RMND1: variants seen among roughly 807,000 people sequenced by gnomAD.
RMND1 encodes the protein required for meiotic nuclear division protein 1 homolog.
In RMND1, 41 loss-of-function variants were observed where a neutral mutation model predicts 54.0. The observed-to-expected ratio is 0.76, with a 90% confidence interval of 0.59 to 0.98. RMND1 has a LOEUF of 0.98. Among genes scored for constraint, RMND1 ranks in the 50% least tolerant of loss-of-function variants. RMND1 has a pLI of 0.00. For missense variants in RMND1, 457 were observed against 532.0 expected (o/e 0.86, Z 1.39); for synonymous variants, 183 against 181.7 (o/e 1.01, Z -0.06).
At chr6:151,448,378 C>G (rs2114975540) in intron 1 of RMND1, among the ~76,000 whole-genome samples, 1 of 143,048 alleles carries the variant, frequency 7.0e-6, no homozygotes, top group South Asian at 2.2e-4. Context: ...CCCATGACTT[C>G]ACTTCCTCCA....
rs765593796 is a variant in RMND1, at chr6:151,445,289, A to G, written c.504+19T>C. On this transcript the variant is annotated intron_variant, in intron 2 of 11. Coordinates refer to ENST00000444024, the MANE Select transcript of RMND1 (RefSeq NM_017909.4). ...GCAATGATCACTAAGCACGAGAGCC[A>G]CGGCCACCCCTACTTTACCTCGTTC... The G allele has an allele frequency of 3.8e-6, 6 of 1,588,586 alleles. No homozygotes were observed. The highest frequency in any genetic ancestry group is 4.3e-6 in the Non-Finnish European group (5 of 1,168,812).
intron 10 of RMND1, chr6:151,411,808 T>C (rs1779843135): frequency 6.6e-6 from 1 of 152,210 alleles, no homozygotes; most frequent in East Asian, 1.9e-4. Flanking sequence ...CCAACTTTGA[T>C]GGCCTGAAGC....
At chr6:151,415,123 C>T (rs1779963917) in intron 10 of RMND1, among the ~76,000 whole-genome samples, 2 of 151,348 alleles carry the variant, frequency 1.3e-5, no homozygotes, top group South Asian at 4.2e-4. Context: ...AACATGGGCA[C>T]ATACAACAGA....
chr6:151,416,744 T>C (rs951173216), intron 10 of RMND1: 1 of 152,310 alleles, frequency 6.6e-6, no homozygotes, highest in African/African-American at 2.4e-5. Flanking sequence ...CCCTTCTAAA[T>C]GCCTGCATGA....
In RMND1 at chr6:151,408,270, G is replaced by A. The variant is rs575105271; in HGVS notation, c.1201-2434C>T. Among the ~76,000 whole-genome samples, 267 of 152,192 alleles carry A rather than the reference G, an allele frequency of 1.8e-3. 2 individuals are homozygous for A. Among genetic ancestry groups the A allele is most frequent in the African/African-American group, 5.6e-3 (234 of 41,534 alleles). The stretch of plus-strand genomic sequence containing the variant: ...AGCATTTTGGGAGGCCAAGGCAGGC[G>A]GATCACTTGAGGTCAGTTTAAGACC... On this transcript the variant is annotated intron_variant, in intron 10 of 11. Coordinates refer to ENST00000444024, the MANE Select transcript of RMND1 (RefSeq NM_017909.4).
In RMND1 at chr6:151,421,254, A is replaced by G; in HGVS notation, c.1070T>C (p.Phe357Ser). The change falls in exon 9 of 12, where the codon TTT becomes TCT. Residue 357 changes from phenylalanine to serine, a missense_variant. By Grantham distance (155) the Phe-to-Ser change is radical. Transcript: ENST00000444024. The part of the protein sequence containing the change: ...EEVMQKIGEL[F>S]ALRHRINLSS... Reference sequence around the variant, plus strand: ...GAGAGAAAACTTTTACCTTAGAGCAAAGAGTTCACCGATTTTCTGCATAAC... The same window carrying G: ...GAGAGAAAACTTTTACCTTAGAGCAGAGAGTTCACCGATTTTCTGCATAAC... 1 of 1,607,080 alleles carries G rather than the reference A, an allele frequency of 6.2e-7. No individual in the cohort carries two copies. The highest frequency in any genetic ancestry group is 2.2e-5 in the East Asian group (1 of 44,744).
rs55764651 is a variant in RMND1, at chr6:151,436,116, A to C, written c.613+330T>G. 0.018 allele frequency: 3,352 copies of C among 183,430 alleles called. 49 individuals carry two copies. The highest frequency in any genetic ancestry group is 0.053 in the African/African-American group (1,999 of 37,486). 11.4% of individuals were successfully genotyped at this position (183,430 alleles called of 1,614,324 possible). The stretch of plus-strand genomic sequence containing the variant: ...GTGAAACTCCATCCCAAAAAACAAA[A>C]AAAAAAAAAACACAAAACACACACA... On this transcript the variant is annotated intron_variant, in intron 3 of 11. Coordinates refer to ENST00000444024, the MANE Select transcript of RMND1 (RefSeq NM_017909.4).
chr6:151,432,370 TGG>T (rs1780473362), intron 4 of RMND1, among the ~76,000 whole-genome samples: 1 of 152,278 alleles, frequency 6.6e-6, no homozygotes, highest in African/African-American at 2.4e-5. Context: ...TCTCTAAAGA[TGG>T]GGTCAAAAGG....
At chr6:151,438,092 G>GT (rs1344417730) in intron 2 of RMND1, among the ~76,000 whole-genome samples, 4 of 152,178 alleles carry the variant, frequency 2.6e-5, no homozygotes, top group African/African-American at 9.7e-5. Context: ...AAATAAAAAT[G>GT]TATCAGGAGT....
intron 1 of RMND1, among the ~76,000 whole-genome samples, chr6:151,450,797 G>GTT (rs1452712301): frequency 1.3e-5 from 2 of 152,250 alleles, no homozygotes; most frequent in East Asian, 3.9e-4. Context: ...AAATCGGATG[G>GTT]TTGCCGTGTC....
intron 2 of RMND1, among the ~76,000 whole-genome samples, chr6:151,443,145 G>A (rs1780832936): frequency 6.6e-6 from 1 of 152,110 alleles, no homozygotes; most frequent in Non-Finnish European, 1.5e-5. Context: ...CCACTATGAT[G>A]GCCGTATAAA....
At chr6:151,448,726 A>G (rs912889490) in intron 1 of RMND1, among the ~76,000 whole-genome samples, 1 of 152,188 alleles carries the variant, frequency 6.6e-6, no homozygotes, top group African/African-American at 2.4e-5. Flanking sequence ...CACAGCAACC[A>G]AAGTGATCCT....
Position 151,446,122 on chromosome 6 carries a change from G to A in RMND1, c.-14-297C>T, listed in dbSNP as rs115188622. 921 of 262,366 alleles carry A rather than the reference G, an allele frequency of 3.5e-3. 8 individuals are homozygous for A. The highest frequency in any genetic ancestry group is 0.019 in the African/African-American group (868 of 44,794). 16.3% of individuals were successfully genotyped at this position (262,366 alleles called of 1,614,324 possible). On this transcript the variant is annotated intron_variant, in intron 1 of 11. Coordinates refer to ENST00000444024, the MANE Select transcript of RMND1 (RefSeq NM_017909.4). Reference sequence around the variant, plus strand: ...TTCATTTACTTCATTAGCATATCAAGTATATAAAAATCTGTGCTGGCCAGG... The same window carrying A: ...TTCATTTACTTCATTAGCATATCAAATATATAAAAATCTGTGCTGGCCAGG...
chr6:151,445,787 C>T lies in RMND1; in HGVS notation c.25G>A (p.Val9Met), dbSNP rs767218207. The change falls in exon 2 of 12, where the codon GTG becomes ATG. Residue 9 changes from valine (V) to methionine (M), a missense_variant. Transcript: ENST00000444024. MPATLLRA[V>M]ARSHHILSKA... ...GATAATATATGATGAGATCTGGCCA[C>T]GGCTCTGAGGAGTGTGGCTGGCATT... The T allele has an allele frequency of 8.1e-6, 13 of 1,611,344 alleles. No individual in the cohort carries two copies. The highest frequency in any genetic ancestry group is 8.0e-5 in the African/African-American group (6 of 74,892).
chr6:151,436,496 GAC>G lies in RMND1; in HGVS notation c.561_562del (p.Gln189ArgfsTer9). The G allele has an allele frequency of 6.2e-7, 1 of 1,614,048 alleles. No individual in the cohort carries two copies. Among genetic ancestry groups the G allele is most frequent in the Non-Finnish European group, 8.5e-7 (1 of 1,179,906 alleles). On this transcript the variant is annotated frameshift_variant, in exon 3 of 12. Coordinates refer to ENST00000444024, the MANE Select transcript of RMND1 (RefSeq NM_017909.4). LOFTEE classifies it high-confidence loss of function. The stretch of plus-strand genomic sequence containing the variant: ...ATATCCGTGGGAGGCCAGATCTTGA[GAC>G]AGATTTCCCAGATGATACTCATCTG...
chr6:151,418,759 A>G (rs150324268), intron 9 of RMND1, among the ~76,000 whole-genome samples: 3 of 152,286 alleles, frequency 2.0e-5, no homozygotes, highest in African/African-American at 7.2e-5. Flanking sequence ...ACATTTTAAT[A>G]TAAGAAGTCT....
intron 10 of RMND1, among the ~76,000 whole-genome samples, chr6:151,408,259 C>T (rs1779696256): frequency 6.6e-6 from 1 of 152,042 alleles, no homozygotes; most frequent in African/African-American, 2.4e-5. Context: ...TTTTGGGAGG[C>T]CAAGGCAGGC....
At chr6:151,447,153 C>T (rs1380640039) in intron 1 of RMND1, among the ~76,000 whole-genome samples, 1 of 152,004 alleles carries the variant, frequency 6.6e-6, no homozygotes, top group Non-Finnish European at 1.5e-5. Flanking sequence ...GGCATGGAGT[C>T]CTATTCATCT....
At chr6:151,407,238 T>C (rs552615332) in intron 10 of RMND1, among the ~76,000 whole-genome samples, 1 of 152,324 alleles carries the variant, frequency 6.6e-6, no homozygotes, top group South Asian at 2.1e-4. Context: ...CCAGGCGTTA[T>C]GGTCACCCTG....
Sources: allele counts gnomAD v4.1 joint callset (sites outside exome capture counted in the v4.1 genomes callset), GRCh38; gene constraint gnomAD v4.1.1; transcripts MANE v1.5; gene names NCBI Gene and HGNC (gene_info 2026-07-23, HGNC 2026-07-21).